GPHN: variants seen among roughly 807,000 people sequenced by gnomAD.
GPHN encodes gephyrin.
GPHN carries 17 observed loss-of-function variants against 95.5 expected under a neutral mutation model. That is an observed-to-expected ratio of 0.18 (90% CI 0.12 to 0.27). The LOEUF (loss-of-function observed/expected upper bound fraction) is 0.27. GPHN is among the 10% of genes least tolerant of loss of function. The pLI is 1.00. For missense variants in GPHN, 660 were observed against 978.1 expected (o/e 0.67, Z 4.34); for synonymous variants, 320 against 322.5 (o/e 0.99, Z 0.08).
intron 11 of GPHN, among the ~76,000 whole-genome samples, chr14:67,061,292 C>T (rs1287694969): frequency 6.6e-6 from 1 of 152,130 alleles, no homozygotes; most frequent in Admixed American, 6.5e-5. Context: ...CCACCCACCT[C>T]GACCTCTCAA....
At chr14:66,765,955 G>C (rs776380869) in intron 2 of GPHN, among the ~76,000 whole-genome samples, 1 of 152,150 alleles carries the variant, frequency 6.6e-6, no homozygotes, top group Non-Finnish European at 1.5e-5. Flanking sequence ...TGGTGGAGTA[G>C]CTTCTATGAA....
intron 18 of GPHN, among the ~76,000 whole-genome samples, chr14:67,156,980 A>G (rs990090423): frequency 3.9e-5 from 6 of 152,008 alleles, no homozygotes; most frequent in Non-Finnish European, 4.4e-5. Context: ...CAAAAAAAAA[A>G]AAAAAGAAAA....
At chr14:66,657,940 C>G (rs1186076477) in intron 1 of GPHN, among the ~76,000 whole-genome samples, 3 of 151,952 alleles carry the variant, frequency 2.0e-5, no homozygotes, top group Non-Finnish European at 4.4e-5. Flanking sequence ...TTTTGTCAGG[C>G]TATAGCTGCC....
chr14:66,893,374 T>C (rs1180080989), intron 5 of GPHN, among the ~76,000 whole-genome samples: 3 of 151,870 alleles, frequency 2.0e-5, no homozygotes, highest in African/African-American at 4.8e-5. Context: ...GGGTGAGGCA[T>C]TGCTATTTAT....
At chr14:67,465,508 C>T in the GPHN span, among the ~76,000 whole-genome samples, 1 of 152,254 alleles carries the variant, frequency 6.6e-6, no homozygotes, top group Non-Finnish European at 1.5e-5. Context: ...ATGGTCAGAT[C>T]TGCATCTAAA....
the GPHN span, among the ~76,000 whole-genome samples, chr14:67,378,195 A>G: frequency 6.6e-6 from 1 of 151,598 alleles, no homozygotes; most frequent in East Asian, 1.9e-4. Flanking sequence ...ACTCCTTCCT[A>G]AATGTTAAGA....
chr14:67,713,786 C>T, the GPHN span, among the ~76,000 whole-genome samples: 1 of 152,104 alleles, frequency 6.6e-6, no homozygotes, highest in Non-Finnish European at 1.5e-5. Flanking sequence ...TCTAGGGATA[C>T]GTGAGACATC....
chr14:67,061,458 C>T (rs72715322), intron 11 of GPHN, among the ~76,000 whole-genome samples: 7,702 of 151,938 alleles, frequency 0.051, 209 homozygotes, highest in Middle Eastern at 0.068. Context: ...TTTGCTAATT[C>T]GTTATTAACA....
At chr14:66,915,518 C>T (rs2065858519) in intron 5 of GPHN, among the ~76,000 whole-genome samples, 1 of 152,140 alleles carries the variant, frequency 6.6e-6, no homozygotes, top group African/African-American at 2.4e-5. Flanking sequence ...AATGAGCTCT[C>T]CAACCTCTTC....
At chr14:66,748,428 A>G (rs570274805) in intron 2 of GPHN, among the ~76,000 whole-genome samples, 7 of 152,066 alleles carry the variant, frequency 4.6e-5, no homozygotes, top group African/African-American at 1.7e-4. Context: ...AGATTTTCCC[A>G]TATACCCCCT....
At chr14:67,732,584 T>C in the GPHN span, among the ~76,000 whole-genome samples, 1 of 151,836 alleles carries the variant, frequency 6.6e-6, no homozygotes, top group Admixed American at 6.6e-5. Flanking sequence ...GATAGACTTT[T>C]CTTTTTTTTG....
intron 9 of GPHN, among the ~76,000 whole-genome samples, chr14:66,966,739 G>A (rs2069355927): frequency 6.6e-6 from 1 of 151,968 alleles, no homozygotes; most frequent in Non-Finnish European, 1.5e-5. Flanking sequence ...AGACCTAAAA[G>A]TTGGGAATTC....
intron 4 of GPHN, among the ~76,000 whole-genome samples, chr14:66,849,608 A>G (rs938812105): frequency 3.3e-5 from 5 of 152,076 alleles, no homozygotes; most frequent in Non-Finnish European, 1.5e-5. Context: ...TTTTAATCTT[A>G]CCAATCTGGT....
intron 1 of GPHN, among the ~76,000 whole-genome samples, chr14:66,610,025 CT>C (rs1235820741): frequency 6.6e-6 from 1 of 152,032 alleles, no homozygotes; most frequent in African/African-American, 2.4e-5. Flanking sequence ...TGTTAGAGTT[CT>C]TTTGCTGATT....
the GPHN span, chr14:67,674,565 C>T: frequency 3.0e-6 from 4 of 1,336,720 alleles, no homozygotes; most frequent in Non-Finnish European, 4.0e-6. Flanking sequence ...GGTCAGCCGC[C>T]CAGCCCAGTG....
At chr14:67,314,962 G>A in the GPHN span, among the ~76,000 whole-genome samples, 2 of 152,108 alleles carry the variant, frequency 1.3e-5, no homozygotes, top group Non-Finnish European at 2.9e-5. Flanking sequence ...TTAAAAATTA[G>A]CTGGGCATGG....
intron 1 of GPHN, among the ~76,000 whole-genome samples, chr14:66,570,762 C>T (rs1454059050): frequency 6.6e-6 from 1 of 152,204 alleles, no homozygotes; most frequent in African/African-American, 2.4e-5. Flanking sequence ...ATTTTCTTCT[C>T]ATCCTCATTT....
At chr14:67,629,375 T>C in the GPHN span, among the ~76,000 whole-genome samples, 1 of 152,184 alleles carries the variant, frequency 6.6e-6, no homozygotes, top group African/African-American at 2.4e-5. Context: ...ACCTGACATA[T>C]GCTGCAATAT....
At chr14:67,657,617 C>T in the GPHN span, among the ~76,000 whole-genome samples, 13,646 of 151,288 alleles carry the variant, frequency 0.09, 866 homozygotes, top group East Asian at 0.23. Context: ...CACACACACA[C>T]ACACACCCAA....
Sources: gnomAD v4.1 joint callset for allele counts (sites outside exome capture counted in the v4.1 genomes callset) on GRCh38, gnomAD v4.1.1 for gene constraint, MANE v1.5 for transcripts, NCBI Gene and HGNC (gene_info 2026-07-23, HGNC 2026-07-21) for gene names.